The following TSPAN15 variants were observed in gnomAD, a reference collection of about 807,000 sequenced individuals.
The protein encoded by TSPAN15 is tetraspanin 15, also known as tetraspanin-15.
Under a neutral mutation model 34.5 loss-of-function variants are expected in TSPAN15, and 20 were observed. That is an observed-to-expected ratio of 0.58 (90% CI 0.41 to 0.84). TSPAN15 has a LOEUF of 0.84. Ranked by LOEUF, TSPAN15 falls within the 40% of genes least tolerant of loss-of-function variation. The pLI is 0.00. For synonymous variants in TSPAN15, 155 were observed against 153.9 expected (o/e 1.01, Z -0.05); for missense variants, 313 against 386.1 (o/e 0.81, Z 1.59).
intron 1 of TSPAN15, among the ~76,000 whole-genome samples, chr10:69,454,898 G>A (rs370239411): frequency 1.6e-4 from 24 of 152,120 alleles, no homozygotes; most frequent in East Asian, 3.9e-4. Flanking sequence ...GGGTAAGGCC[G>A]GGTGAGGTGT....
chr10:69,540,323 A>T, the TSPAN15 span, among the ~76,000 whole-genome samples: 1 of 152,200 alleles, frequency 6.6e-6, no homozygotes, highest in Non-Finnish European at 1.5e-5. Flanking sequence ...TGAACTCGGG[A>T]GGCAAAGCTT....
At chr10:69,501,848 C>T (rs1056583805) in intron 5 of TSPAN15, among the ~76,000 whole-genome samples, 8 of 152,128 alleles carry the variant, frequency 5.3e-5, no homozygotes, top group South Asian at 2.1e-4. Context: ...GCATTAGAGT[C>T]GCATAGGAGT....
At chr10:69,491,430 C>G (rs1841966572) in intron 3 of TSPAN15, among the ~76,000 whole-genome samples, 1 of 152,192 alleles carries the variant, frequency 6.6e-6, no homozygotes, top group African/African-American at 2.4e-5. Context: ...GTGGTGCAAT[C>G]ACAGCTCATT....
At chr10:69,497,993 G>A (rs1281585036) in intron 4 of TSPAN15, among the ~76,000 whole-genome samples, 2 of 152,190 alleles carry the variant, frequency 1.3e-5, no homozygotes, top group Non-Finnish European at 2.9e-5. Flanking sequence ...GTGGAGGCCA[G>A]TTGTCAAGGA....
chr10:69,548,883 A>G, the TSPAN15 span, among the ~76,000 whole-genome samples: 23 of 152,108 alleles, frequency 1.5e-4, 2 homozygotes, highest in African/African-American at 5.5e-4. Flanking sequence ...AGGCATTTAT[A>G]TATTTGATGA....
the TSPAN15 span, among the ~76,000 whole-genome samples, chr10:69,539,470 G>GAGAAGAAGA: frequency 7.2e-3 from 427 of 58,994 alleles, 51 homozygotes; most frequent in East Asian, 0.017. Context: ...GAAGGAGAAG[G>GAGAAGAAGA]AGAAGGAGAA....
chr10:69,525,681 C>T, the TSPAN15 span, among the ~76,000 whole-genome samples: 2 of 146,326 alleles, frequency 1.4e-5, 1 homozygote, highest in Non-Finnish European at 3.0e-5. Context: ...ATTAGCCAGG[C>T]ATGGTGGTGT....
chr10:69,495,472 C>A (rs1207227095), intron 3 of TSPAN15, 122 bp from the exon 4 acceptor site: 6 of 687,700 alleles, frequency 8.7e-6, no homozygotes, highest in Non-Finnish European at 1.5e-5. Flanking sequence ...GGGCTCCATG[C>A]TGGCTGGGCG....
At chr10:69,467,208 C>T (rs1156823132) in intron 1 of TSPAN15, among the ~76,000 whole-genome samples, 2 of 152,174 alleles carry the variant, frequency 1.3e-5, no homozygotes, top group East Asian at 3.8e-4. Context: ...CTAAAGCCCT[C>T]GGCACCCTGT....
the TSPAN15 span, among the ~76,000 whole-genome samples, chr10:69,546,173 CCT>C: frequency 2.0e-5 from 3 of 152,218 alleles, no homozygotes; most frequent in Non-Finnish European, 4.4e-5. Flanking sequence ...ACTCTTCTAA[CCT>C]CTCTGATCAT....
chr10:69,467,831 TA>T lies in TSPAN15; in HGVS notation c.97-15853del, dbSNP rs1228028547. ...CCTAAAACATCTCTCATAGTGTCTT[TA>T]AAAAAATCAGGACCCAGCATCACAG... On this transcript the variant is annotated intron_variant, in intron 1 of 7. Transcript: ENST00000373290. Among the ~76,000 whole-genome samples the T allele has an allele frequency of 1.3e-5, 2 of 151,874 alleles. 1 individual carries two copies.
At chr10:69,510,899 A>G (rs1416207911), downstream of TSPAN15, among the ~76,000 whole-genome samples, 2 of 152,146 alleles carry the variant, frequency 1.3e-5, no homozygotes, top group Non-Finnish European at 2.9e-5. Context: ...CGTATGTTGA[A>G]CCAGCCTTGC....
intron 1 of TSPAN15, among the ~76,000 whole-genome samples, chr10:69,460,940 G>T (rs1174377261): frequency 6.6e-6 from 1 of 152,130 alleles, no homozygotes; most frequent in African/African-American, 2.4e-5. Context: ...TGAGGAGAAG[G>T]TCCATGTGAC....
Position 69,506,038 on chromosome 10 carries a change from G to C in TSPAN15, c.619-86G>C, listed in dbSNP as rs1300817201. On this transcript the variant is annotated intron_variant, in intron 6 of 7. Coordinates refer to ENST00000373290, the MANE Select transcript of TSPAN15 (RefSeq NM_012339.5). The surrounding 1 kb of genome is among the most constrained non-coding windows in gnomAD (Gnocchi z 4.7). ...ATCACAGCGGTTGAGGGACTAGCCT[G>C]GACCTTGTGTACATGGCAGAGTCGG... The C allele has an allele frequency of 8.9e-7, 1 of 1,121,044 alleles. No homozygotes were observed. The highest frequency in any genetic ancestry group is 1.3e-6 in the Non-Finnish European group (1 of 749,258). The allele number at this position is 1,121,044 out of a possible 1,614,324, so 69.4% of individuals were successfully genotyped here.
chr10:69,497,642 G>A (rs1020288478), intron 4 of TSPAN15, among the ~76,000 whole-genome samples: 6 of 152,152 alleles, frequency 3.9e-5, no homozygotes, highest in Non-Finnish European at 4.4e-5. Flanking sequence ...TTCCACCTGA[G>A]CAAGGGCTGC....
intron 1 of TSPAN15, among the ~76,000 whole-genome samples, chr10:69,477,340 G>A (rs1017737188): frequency 6.6e-6 from 1 of 152,040 alleles, no homozygotes; most frequent in South Asian, 2.1e-4. Flanking sequence ...TCACCATATT[G>A]GGCAGGCTGG....
At chr10:69,526,924 A>G in the TSPAN15 span, among the ~76,000 whole-genome samples, 26 of 148,056 alleles carry the variant, frequency 1.8e-4, 1 homozygote, top group African/African-American at 5.4e-4. Context: ...CAGTTACTCA[A>G]ATGATTAAAT....
At chr10:69,545,996 C>A in the TSPAN15 span, among the ~76,000 whole-genome samples, 3 of 149,512 alleles carry the variant, frequency 2.0e-5, no homozygotes, top group African/African-American at 2.4e-5. Flanking sequence ...AACAAACAAA[C>A]AAACAAAAAA....
chr10:69,516,772 C>T, the TSPAN15 span, among the ~76,000 whole-genome samples: 1 of 152,146 alleles, frequency 6.6e-6, no homozygotes, highest in African/African-American at 2.4e-5. Flanking sequence ...TTCACTGATT[C>T]GTTTTTGTAT....
Sources: allele counts gnomAD v4.1 joint callset (sites outside exome capture counted in the v4.1 genomes callset), GRCh38; gene constraint gnomAD v4.1.1; non-coding constraint Gnocchi (gnomAD v3.1); transcripts MANE v1.5; gene names NCBI Gene and HGNC (gene_info 2026-07-23, HGNC 2026-07-21).